The following SCHIP1 variants were observed in gnomAD, a reference collection of about 807,000 sequenced individuals.
SCHIP1 encodes schwannomin interacting protein 1, also known as schwannomin-interacting protein 1.
In SCHIP1, 8 loss-of-function variants were observed where a neutral mutation model predicts 29.7. The observed-to-expected ratio is 0.27, with a 90% confidence interval of 0.16 to 0.49. The LOEUF is 0.49. Ranked by LOEUF, SCHIP1 falls within the 20% of genes least tolerant of loss-of-function variation. The pLI is 0.99. For synonymous variants in SCHIP1, 76 were observed against 94.9 expected (o/e 0.80, Z 1.16); for missense variants, 193 against 294.6 (o/e 0.66, Z 2.52).
At chr3:159,730,669 T>G in the SCHIP1 span, among the ~76,000 whole-genome samples, 1 of 152,080 alleles carries the variant, frequency 6.6e-6, no homozygotes, top group African/African-American at 2.4e-5. Context: ...CCTCTTCCCT[T>G]AAAGAAAATT....
At chr3:159,814,653 C>A in the SCHIP1 span, among the ~76,000 whole-genome samples, 1 of 152,202 alleles carries the variant, frequency 6.6e-6, no homozygotes, top group African/African-American at 2.4e-5. Context: ...GCCGAGCCCC[C>A]GATGTTCTGT....
chr3:159,494,516 A>C, the SCHIP1 span, among the ~76,000 whole-genome samples: 2 of 152,234 alleles, frequency 1.3e-5, no homozygotes, highest in Non-Finnish European at 2.9e-5. Flanking sequence ...GAAATGGATA[A>C]ATTCCTCGAC....
At chr3:159,394,111 T>G in the SCHIP1 span, among the ~76,000 whole-genome samples, 1 of 150,774 alleles carries the variant, frequency 6.6e-6, no homozygotes, top group African/African-American at 2.5e-5. Flanking sequence ...TTTGGCTCTT[T>G]GTTTGTCTGT....
the SCHIP1 span, among the ~76,000 whole-genome samples, chr3:159,515,134 A>G: frequency 6.6e-6 from 1 of 152,014 alleles, no homozygotes; most frequent in Non-Finnish European, 1.5e-5. Context: ...TTAGTCTCAA[A>G]ACTTCTGTCT....
chr3:159,753,725 G>C, the SCHIP1 span, among the ~76,000 whole-genome samples: 22 of 152,164 alleles, frequency 1.4e-4, no homozygotes, highest in African/African-American at 5.3e-4. Context: ...CAATCCTTGA[G>C]TGGCTGTTAG....
the SCHIP1 span, among the ~76,000 whole-genome samples, chr3:159,626,127 TAG>T: frequency 8.3e-6 from 1 of 120,322 alleles, no homozygotes; most frequent in Non-Finnish European, 1.5e-5. Flanking sequence ...GATAGATAGA[TAG>T]ATAGATAGAT....
At chr3:159,580,932 G>C in the SCHIP1 span, among the ~76,000 whole-genome samples, 165 of 152,256 alleles carry the variant, frequency 1.1e-3, no homozygotes, top group African/African-American at 3.8e-3. Context: ...GAAAAATTTA[G>C]CATTCATAAG....
chr3:159,836,138 C>T (rs183897923), upstream of SCHIP1, among the ~76,000 whole-genome samples: 194 of 152,224 alleles, frequency 1.3e-3, no homozygotes, highest in African/African-American at 1.6e-3. Flanking sequence ...AGTTAGTATT[C>T]GTCTTAGTCT....
chr3:159,337,725 C>T, the SCHIP1 span, among the ~76,000 whole-genome samples: 5 of 152,134 alleles, frequency 3.3e-5, no homozygotes, highest in Non-Finnish European at 4.4e-5. Flanking sequence ...CAAATTGTTC[C>T]ACCAAGAAAT....
intron 1 of SCHIP1, among the ~76,000 whole-genome samples, chr3:159,842,559 A>T (rs1744316151): frequency 6.6e-6 from 1 of 152,144 alleles, no homozygotes. Flanking sequence ...CAGAGTAAAA[A>T]TCCAAGTCCT....
intron 1 of SCHIP1, among the ~76,000 whole-genome samples, chr3:159,842,634 C>T (rs1744328716): frequency 6.6e-6 from 1 of 152,080 alleles, no homozygotes; most frequent in South Asian, 2.1e-4. Context: ...TCCTGATTTC[C>T]TCCACTACCT....
the SCHIP1 span, among the ~76,000 whole-genome samples, chr3:159,682,804 C>A: frequency 6.6e-6 from 1 of 152,076 alleles, no homozygotes; most frequent in Admixed American, 6.5e-5. Context: ...ACCATTGTTT[C>A]ATTTATATAT....
At chr3:159,755,341 A>G in the SCHIP1 span, among the ~76,000 whole-genome samples, 1 of 152,200 alleles carries the variant, frequency 6.6e-6, no homozygotes, top group Non-Finnish European at 1.5e-5. Flanking sequence ...CACATCTTAT[A>G]TGGATGGCAG....
At chr3:159,625,959 A>G in the SCHIP1 span, among the ~76,000 whole-genome samples, 2 of 151,828 alleles carry the variant, frequency 1.3e-5, no homozygotes, top group African/African-American at 4.8e-5. Context: ...TGTTAAACCA[A>G]TACTGGGTCA....
chr3:159,406,030 T>C, the SCHIP1 span, among the ~76,000 whole-genome samples: 1 of 149,010 alleles, frequency 6.7e-6, no homozygotes, highest in African/African-American at 2.5e-5. Flanking sequence ...AAAGAGGAGG[T>C]GTACAGAGAG....
At chr3:159,759,220 G>A in the SCHIP1 span, among the ~76,000 whole-genome samples, 1 of 152,026 alleles carries the variant, frequency 6.6e-6, no homozygotes, top group Non-Finnish European at 1.5e-5. Context: ...AATTTTAGGT[G>A]TACATAGAAT....
the SCHIP1 span, among the ~76,000 whole-genome samples, chr3:159,511,472 G>C: frequency 1.3e-5 from 2 of 152,162 alleles, no homozygotes; most frequent in African/African-American, 2.4e-5. Flanking sequence ...TGCATCCACT[G>C]TCCTGCCCCC....
chr3:159,754,865 C>A, the SCHIP1 span, among the ~76,000 whole-genome samples: 3 of 151,958 alleles, frequency 2.0e-5, no homozygotes, highest in Non-Finnish European at 2.9e-5. Context: ...CTTTTCATTC[C>A]GATTTTTAAT....
the SCHIP1 span, among the ~76,000 whole-genome samples, chr3:159,704,266 C>G: frequency 6.6e-6 from 1 of 151,960 alleles, no homozygotes; most frequent in Admixed American, 6.6e-5. Context: ...GAAACTCTGT[C>G]TCTACTAAAA....
Sources: gnomAD v4.1 joint callset for allele counts (sites outside exome capture counted in the v4.1 genomes callset) on GRCh38, gnomAD v4.1.1 for gene constraint, MANE v1.5 for transcripts, NCBI Gene and HGNC (gene_info 2026-07-23, HGNC 2026-07-21) for gene names.